MRAP2: variants seen among roughly 807,000 people sequenced by gnomAD.
MRAP2 encodes melanocortin 2 receptor accessory protein 2.
MRAP2 carries 20 observed loss-of-function variants against 17.4 expected under a neutral mutation model. The ratio of observed to expected loss-of-function variants is 1.15; its 90% CI spans 0.81 to 1.67. The LOEUF (loss-of-function observed/expected upper bound fraction) is 1.67. Ranked by LOEUF, MRAP2 falls within the 40% of genes most tolerant of loss-of-function variation. MRAP2 has a pLI of 0.00. For synonymous variants in MRAP2, 96 were observed against 88.4 expected, an observed-to-expected ratio of 1.09 and a Z score of -0.48; for missense variants, 238 against 240.0, an observed-to-expected ratio of 0.99 and a Z score of 0.05.
At chr6:84,142,046 C>T in the MRAP2 span, among the ~76,000 whole-genome samples, 1 of 152,066 alleles carries the variant, frequency 6.6e-6, no homozygotes, top group Non-Finnish European at 1.5e-5. Flanking sequence ...AAAACAACCC[C>T]CACATACATT....
In MRAP2 at chr6:84,049,639, A is replaced by G. The variant is rs117557583; in HGVS notation, c.-7-5673A>G. 5.9e-3 allele frequency among the ~76,000 whole-genome samples: 903 copies of G among 152,292 alleles called. 5 individuals are homozygous for G. The highest frequency in any genetic ancestry group is 0.014 in the Middle Eastern group (4 of 294). ...TATTTCAGGTGGTGACTGAATATCT[A>G]TCAGTGTAAAATATTAAGTCCCATT... is the stretch of plus-strand genomic sequence containing the variant. On this transcript the variant is annotated intron_variant, in intron 1 of 3. Transcript: ENST00000257776.
the MRAP2 span, among the ~76,000 whole-genome samples, chr6:84,121,558 C>T: frequency 2.0e-5 from 3 of 152,112 alleles, no homozygotes; most frequent in South Asian, 4.1e-4. Context: ...ACAGGAGAAT[C>T]GCCTGAACCC....
At chr6:84,034,195 G>T (rs1219254232) in intron 1 of MRAP2, among the ~76,000 whole-genome samples, 1 of 151,980 alleles carries the variant, frequency 6.6e-6, no homozygotes, top group Non-Finnish European at 1.5e-5. Context: ...CCTCCCCTCC[G>T]CTGGGCCCCA....
chr6:84,127,487 A>G, the MRAP2 span, among the ~76,000 whole-genome samples: 1 of 152,118 alleles, frequency 6.6e-6, no homozygotes, highest in African/African-American at 2.4e-5. Flanking sequence ...GTTTGCAGAG[A>G]GCTCAGGGAG....
chr6:84,126,573 T>C, the MRAP2 span: 21 of 1,213,494 alleles, frequency 1.7e-5, no homozygotes, highest in Non-Finnish European at 2.4e-5. Flanking sequence ...CAGGTAATCT[T>C]GAAAATCAGA....
chr6:84,060,164 C>G (rs2099492731), intron 2 of MRAP2, among the ~76,000 whole-genome samples: 2 of 152,156 alleles, frequency 1.3e-5, no homozygotes, highest in Non-Finnish European at 2.9e-5. Flanking sequence ...AACATAGATG[C>G]CGCATTATTA....
intron 1 of MRAP2, among the ~76,000 whole-genome samples, chr6:84,054,448 A>G (rs1025040663): frequency 2.0e-5 from 3 of 152,174 alleles, no homozygotes; most frequent in African/African-American, 7.2e-5. Flanking sequence ...AAATATCATA[A>G]ATTTCAGGAG....
the MRAP2 span, among the ~76,000 whole-genome samples, chr6:84,114,364 C>T: frequency 7.2e-5 from 11 of 151,884 alleles, no homozygotes; most frequent in African/African-American, 2.7e-4. Flanking sequence ...TCCACTTGAT[C>T]GATTTGACTA....
the MRAP2 span, among the ~76,000 whole-genome samples, chr6:84,109,908 A>G: frequency 1.3e-5 from 2 of 152,244 alleles, no homozygotes; most frequent in South Asian, 2.1e-4. Flanking sequence ...AGCTTCATCC[A>G]TGTCCCTGCA....
the MRAP2 span, chr6:84,126,480 G>A: frequency 6.4e-7 from 1 of 1,560,986 alleles, no homozygotes; most frequent in Non-Finnish European, 8.7e-7. Flanking sequence ...GGTTTTCTTT[G>A]GCTTCTCTCA....
chr6:84,111,466 CTT>C, the MRAP2 span, among the ~76,000 whole-genome samples: 1 of 152,186 alleles, frequency 6.6e-6, no homozygotes, highest in Admixed American at 6.5e-5. Flanking sequence ...TATACTGAGA[CTT>C]TGCTGAAGTT....
At chr6:84,081,648 GTC>G (rs1427395213) in intron 3 of MRAP2, among the ~76,000 whole-genome samples, 12 of 152,250 alleles carry the variant, frequency 7.9e-5, no homozygotes, top group African/African-American at 2.9e-4. Flanking sequence ...GTGAAATCCT[GTC>G]TCTACTAAAA....
intron 2 of MRAP2, among the ~76,000 whole-genome samples, chr6:84,061,346 A>C (rs1333808301): frequency 6.6e-6 from 1 of 152,200 alleles, no homozygotes; most frequent in Admixed American, 6.5e-5. Flanking sequence ...TAGGCCAAAA[A>C]ATGTAGAATG....
chr6:84,097,690 C>T, the MRAP2 span, among the ~76,000 whole-genome samples: 1 of 152,064 alleles, frequency 6.6e-6, no homozygotes, highest in African/African-American at 2.4e-5. Context: ...ACTCTAATGC[C>T]TAAATAATCT....
At chr6:84,069,810 T>C (rs956669076) in intron 3 of MRAP2, among the ~76,000 whole-genome samples, 8 of 152,176 alleles carry the variant, frequency 5.3e-5, no homozygotes, top group African/African-American at 1.9e-4. Flanking sequence ...TTCTTCCTGA[T>C]TTAAGCTAGG....
intron 3 of MRAP2, among the ~76,000 whole-genome samples, chr6:84,066,279 G>A (rs2129168988): frequency 6.6e-6 from 1 of 152,166 alleles, no homozygotes; most frequent in South Asian, 2.1e-4. Context: ...TAACATTTAA[G>A]AAAATAATGG....
the MRAP2 span, among the ~76,000 whole-genome samples, chr6:84,109,704 A>G: frequency 6.6e-6 from 1 of 152,018 alleles, no homozygotes; most frequent in Non-Finnish European, 1.5e-5. Context: ...TGTACCTATC[A>G]ACCCGTCATC....
chr6:84,086,434 C>T (rs1562892594), intron 3 of MRAP2, among the ~76,000 whole-genome samples: 1 of 152,148 alleles, frequency 6.6e-6, no homozygotes, highest in Non-Finnish European at 1.5e-5. Flanking sequence ...CACTTCATGG[C>T]CTTCCCCAGC....
At chr6:84,114,845 C>T in the MRAP2 span, among the ~76,000 whole-genome samples, 8 of 152,100 alleles carry the variant, frequency 5.3e-5, no homozygotes, top group South Asian at 8.3e-4. Context: ...TGCTGCAGGT[C>T]GCTGGAGTTT....
Sources: allele counts gnomAD v4.1 joint callset (sites outside exome capture counted in the v4.1 genomes callset), GRCh38; gene constraint gnomAD v4.1.1; transcripts MANE v1.5; gene names NCBI Gene and HGNC (gene_info 2026-07-23, HGNC 2026-07-21).